Variants in AZI2 observed in about 807,000 individuals in gnomAD.
AZI2 encodes the protein 5-azacytidine induced 2, also known as 5-azacytidine-induced protein 2.
In AZI2, 22 loss-of-function variants were observed where a neutral mutation model predicts 45.8. The observed-to-expected ratio is 0.48, with a 90% CI of 0.34 to 0.69. The LOEUF (loss-of-function observed/expected upper bound fraction) is 0.69, where lower values mean the gene tolerates loss of function less well. Ranked by LOEUF, AZI2 falls within the 30% of genes least tolerant of loss-of-function variation. AZI2 has a pLI of 0.01. For missense variants in AZI2, 417 were observed against 441.5 expected, an observed-to-expected ratio of 0.94 and a Z score of 0.50; for synonymous variants, 137 against 156.7, an observed-to-expected ratio of 0.87 and a Z score of 0.94.
intron 7 of AZI2, among the ~76,000 whole-genome samples, chr3:28,325,723 C>T (rs866917832): frequency 6.6e-6 from 1 of 151,046 alleles, no homozygotes; most frequent in African/African-American, 2.4e-5. Flanking sequence ...AAACTCAATG[C>T]AGAATTACTC....
In AZI2 at chr3:28,347,721, A is replaced by G. The variant is rs150179727; in HGVS notation, c.-6+880T>C. Among the ~76,000 whole-genome samples the G allele has an allele frequency of 8.5e-5, 13 of 152,348 alleles. No individual in the cohort carries two copies. The East Asian group carries it at 2.3e-3, about 27-fold the overall frequency. On this transcript the variant is annotated intron_variant, in intron 1 of 7. Transcript: ENST00000479665. Reference sequence around the variant, plus strand: ...GCGTAAGATGTCTGGCTTACAAACAATATCACATTAAAATTTGGAAATATC... The same window carrying G: ...GCGTAAGATGTCTGGCTTACAAACAGTATCACATTAAAATTTGGAAATATC...
intron 2 of AZI2, 90 bp downstream of exon 2, chr3:28,340,312 G>T: frequency 1.1e-6 from 1 of 882,354 alleles, no homozygotes; most frequent in Non-Finnish European, 1.7e-6. Context: ...GTACAATCAT[G>T]GAAGACAGGA....
At chr3:28,338,865 A>G (rs557887887) in intron 2 of AZI2, among the ~76,000 whole-genome samples, 2 of 152,326 alleles carry the variant, frequency 1.3e-5, no homozygotes, top group East Asian at 3.9e-4. Context: ...GTTTTATAAC[A>G]TTAAATCATC....
chr3:28,335,499 C>A (rs1703754857), intron 5 of AZI2, among the ~76,000 whole-genome samples: 1 of 151,820 alleles, frequency 6.6e-6, no homozygotes, highest in African/African-American at 2.4e-5. Flanking sequence ...AGGAAAAAAA[C>A]CACTTTGACT....
intron 6 of AZI2, among the ~76,000 whole-genome samples, chr3:28,329,937 T>C (rs1264162578): frequency 1.3e-5 from 2 of 151,320 alleles, no homozygotes; most frequent in African/African-American, 4.8e-5. Flanking sequence ...ATTTTTATAA[T>C]GCTTATTATA....
chr3:28,343,017 TAC>T (rs920833983), intron 1 of AZI2, among the ~76,000 whole-genome samples: 2 of 152,136 alleles, frequency 1.3e-5, no homozygotes, highest in Non-Finnish European at 1.5e-5. Flanking sequence ...ACTTCTGTTT[TAC>T]ACAAACTTCT....
At position 28,323,652 on chromosome 3, in the gene AZI2, A is replaced by G. The variant is rs1336071137; in HGVS notation, c.*390T>C. Reference sequence around the variant, plus strand: ...TTTGTTCCATTATGCAATTTGAAGAAACATGTTTTCCTTTTATTTTTATGA... The same window carrying G: ...TTTGTTCCATTATGCAATTTGAAGAGACATGTTTTCCTTTTATTTTTATGA... On this transcript the variant is annotated 3_prime_UTR_variant, in exon 8 of 8. Transcript: ENST00000479665. 2 of 157,368 alleles carry G rather than the reference A, an allele frequency of 1.3e-5. No homozygotes were observed. Among genetic ancestry groups the G allele is most frequent in the African/African-American group, 4.8e-5 (2 of 41,518 alleles). 9.7% of individuals were successfully genotyped at this position (157,368 alleles called of 1,614,324 possible).
At position 28,343,322 on chromosome 3, in the gene AZI2, T is replaced by C. The variant is rs576732895; in HGVS notation, c.-5-2700A>G. Among the ~76,000 whole-genome samples the C allele has an allele frequency of 3.0e-4, 45 of 152,150 alleles. No homozygotes were observed. In the South Asian group the frequency reaches 9.3e-3, roughly 32 times the overall value. On this transcript the variant is annotated intron_variant, in intron 1 of 7. Coordinates refer to ENST00000479665, the MANE Select transcript of AZI2 (RefSeq NM_022461.5). ...ATTGTACTTACACCTTTACAGTTTG[T>C]TAACTTCCAGCAGGGGAACAAGTTC...
At chr3:28,335,242 G>T (rs530472223) in intron 5 of AZI2, among the ~76,000 whole-genome samples, 1 of 152,110 alleles carries the variant, frequency 6.6e-6, no homozygotes, top group African/African-American at 2.4e-5. Flanking sequence ...CCATGGTACT[G>T]CTTGCTACAC....
At chr3:28,338,809 C>G (rs940022583) in intron 2 of AZI2, among the ~76,000 whole-genome samples, 194 bp from the exon 3 acceptor site, 3 of 152,070 alleles carry the variant, frequency 2.0e-5, no homozygotes, top group African/African-American at 7.2e-5. Context: ...TTTTTTGAAG[C>G]CTTCTATGCT....
At position 28,340,618 on chromosome 3, in the gene AZI2, G is replaced by A; in HGVS notation, c.-1C>T. On this transcript the variant is annotated 5_prime_UTR_variant, in exon 2 of 8. Coordinates refer to ENST00000479665, the MANE Select transcript of AZI2 (RefSeq NM_022461.5). ...TATCATCTTCTACCAGTGCATCCAT[G>A]ACAACTGTTTAAAAGAAAAAAAATA... is the stretch of plus-strand genomic sequence containing the variant. 6.3e-7 allele frequency: 1 copy of A among 1,592,476 alleles called. No homozygotes were observed. Among genetic ancestry groups the A allele is most frequent in the Non-Finnish European group, 8.5e-7 (1 of 1,171,176 alleles).
At chr3:28,337,851 A>G (rs1444737067) in intron 4 of AZI2, 86 bp downstream of exon 4, 4 of 793,534 alleles carry the variant, frequency 5.0e-6, no homozygotes, top group Non-Finnish European at 7.4e-6. Flanking sequence ...GTCTTAGCAT[A>G]TGGATACAGA....
At chr3:28,340,370 C>T (rs1350707093) in intron 2 of AZI2, 32 bp downstream of exon 2, 2 of 1,382,288 alleles carry the variant, frequency 1.4e-6, no homozygotes, top group East Asian at 4.7e-5. Flanking sequence ...CCTTATGTCA[C>T]AAACGCAATG....
chr3:28,321,404 C>T lies in AZI2; in HGVS notation c.*2638G>A, dbSNP rs1224240397. 1 of 151,388 alleles carries T rather than the reference C, an allele frequency of 6.6e-6. No individual in the cohort carries two copies. The highest frequency in any genetic ancestry group is 1.5e-5 in the Non-Finnish European group (1 of 67,566). The allele number at this position is 151,388 out of a possible 1,614,324, so 9.4% of individuals were successfully genotyped here. The stretch of plus-strand genomic sequence containing the variant: ...AATTCACTTATGTACATGTTGCTTT[C>T]CCCATAGAAGCCAGATTAGATTACA... On this transcript the variant is annotated 3_prime_UTR_variant, in exon 8 of 8. Transcript: ENST00000479665.
chr3:28,340,650 A>T (rs1308398729), intron 1 of AZI2, 28 bp from the exon 2 acceptor site: 1 of 1,514,684 alleles, frequency 6.6e-7, no homozygotes, highest in Non-Finnish European at 9.0e-7. Flanking sequence ...AATATGAGTG[A>T]CAAATGTCTC....
At chr3:28,343,500 G>C (rs1474562398) in intron 1 of AZI2, among the ~76,000 whole-genome samples, 2 of 151,914 alleles carry the variant, frequency 1.3e-5, no homozygotes, top group African/African-American at 4.8e-5. Context: ...CACAGGCCTG[G>C]ACATGATTAA....
intron 1 of AZI2, among the ~76,000 whole-genome samples, chr3:28,343,190 G>C (rs965312069): frequency 2.6e-4 from 39 of 152,006 alleles, no homozygotes; most frequent in Admixed American, 5.3e-4. Context: ...GGGTCTGAGG[G>C]ATGGGGAGAA....
intron 2 of AZI2, among the ~76,000 whole-genome samples, chr3:28,339,158 A>G (rs1469332196): frequency 6.6e-6 from 1 of 151,984 alleles, no homozygotes; most frequent in African/African-American, 2.4e-5. Flanking sequence ...TTGTATTTTT[A>G]GTAGAGACAG....
chr3:28,326,586 G>T, intron 7 of AZI2: 1 of 455,334 alleles, frequency 2.2e-6, no homozygotes, highest in Non-Finnish European at 4.0e-6. Flanking sequence ...GCAACACTTG[G>T]CTGAGAAAAG....
Sources: gnomAD v4.1 joint callset for allele counts (sites outside exome capture counted in the v4.1 genomes callset) on GRCh38, gnomAD v4.1.1 for gene constraint, MANE v1.5 for transcripts, NCBI Gene and HGNC (gene_info 2026-07-23, HGNC 2026-07-21) for gene names.